The following EYS variants were observed in gnomAD, a reference collection of about 807,000 sequenced individuals.
EYS encodes the protein protein eyes shut homolog.
Under a neutral mutation model 282.1 loss-of-function variants are expected in EYS, and 250 were observed. The observed-to-expected ratio is 0.89, with a 90% CI of 0.80 to 0.98. The LOEUF is 0.98. Ranked by LOEUF, EYS falls within the 50% of genes least tolerant of loss-of-function variation. The probability of loss-of-function intolerance (pLI) is 0.00; values close to 1 mark genes in which losing one functional copy is unlikely to be tolerated. For missense variants in EYS, 4,016 were observed against 3,709.0 expected, an observed-to-expected ratio of 1.08 and a Z score of -2.15; for synonymous variants, 1,355 against 1,282.9, an observed-to-expected ratio of 1.06 and a Z score of -1.20.
chr6:65,192,960 C>T (rs1481349951), intron 12 of EYS, among the ~76,000 whole-genome samples: 1 of 151,806 alleles, frequency 6.6e-6, no homozygotes, highest in African/African-American at 2.4e-5. Flanking sequence ...ATATAAAATG[C>T]ATTGTTAACT....
chr6:63,931,900 G>T (rs1455453917), intron 35 of EYS, among the ~76,000 whole-genome samples: 1 of 151,928 alleles, frequency 6.6e-6, no homozygotes, highest in East Asian at 1.9e-4. Context: ...ATTTTGTATT[G>T]TTACCCAGTC....
chr6:63,968,424 G>A (rs1301572728), intron 35 of EYS, among the ~76,000 whole-genome samples: 2 of 152,076 alleles, frequency 1.3e-5, no homozygotes, highest in East Asian at 1.9e-4. Context: ...CTAATTGGGG[G>A]AAAATGCAGG....
intron 13 of EYS, among the ~76,000 whole-genome samples, chr6:65,039,518 A>G (rs549725431): frequency 1.3e-5 from 2 of 151,532 alleles, no homozygotes; most frequent in Non-Finnish European, 1.5e-5. Flanking sequence ...AAAAAAAACT[A>G]CTTGCATTAG....
chr6:64,085,834 A>G (rs1044677477), intron 31 of EYS, among the ~76,000 whole-genome samples: 2 of 152,162 alleles, frequency 1.3e-5, no homozygotes, highest in African/African-American at 4.8e-5. Flanking sequence ...ACTCTTAGAA[A>G]TTTACCTACC....
rs543382469 is a variant in EYS at position 65,187,798 on chromosome 6, C to T, written c.2023+108065G>A. Among the ~76,000 whole-genome samples, 8 of 151,744 alleles carry T rather than the reference C, an allele frequency of 5.3e-5. No homozygotes were observed. In the East Asian group the frequency reaches 1.4e-3, roughly 26 times the overall value. ...GTTTGGTAATTATGGCTACCATTTA[C>T]TCTGAAAACTTATTGGAATTGGTAT... On this transcript the variant is annotated intron_variant, in intron 12 of 42. Transcript: ENST00000503581.
chr6:65,443,683 C>CATACACATATATACACATATGTGCAT (rs1369717387), intron 5 of EYS, among the ~76,000 whole-genome samples: 1 of 149,824 alleles, frequency 6.7e-6, no homozygotes, highest in African/African-American at 2.4e-5. Flanking sequence ...CATATACACA[C>CATACACATATATACACATATGTGCAT]ATACACATAT....
rs147634030 is a variant in EYS, at chr6:65,395,126, C to T, written c.1184+7352G>A. On this transcript the variant is annotated intron_variant, in intron 7 of 42. Transcript: ENST00000503581. Reference sequence around the variant, plus strand: ...TGGCCCAGGCCGGAGTGCAATGGCGCGATCTTAGCTCACCGCAACCTCTGC... The same window carrying T: ...TGGCCCAGGCCGGAGTGCAATGGCGTGATCTTAGCTCACCGCAACCTCTGC... Among the ~76,000 whole-genome samples the T allele has an allele frequency of 6.4e-3, 977 of 152,308 alleles. 13 individuals are homozygous for T. The highest frequency in any genetic ancestry group is 0.022 in the African/African-American group (922 of 41,572).
intron 26 of EYS, among the ~76,000 whole-genome samples, chr6:64,474,850 T>C (rs900579248): frequency 5.3e-5 from 8 of 152,168 alleles, no homozygotes; most frequent in Non-Finnish European, 8.8e-5. Flanking sequence ...CCAAATGATA[T>C]AGCATTTGTG....
chr6:64,667,142 A>T (rs1180842792), intron 22 of EYS, among the ~76,000 whole-genome samples: 1 of 150,794 alleles, frequency 6.6e-6, no homozygotes, highest in Non-Finnish European at 1.5e-5. Context: ...GCTTAATGAA[A>T]TGTGTAAGAG....
intron 8 of EYS, 85 bp from the exon 9 acceptor site, chr6:65,353,702 T>A: frequency 1.8e-6 from 2 of 1,128,508 alleles, no homozygotes; most frequent in Non-Finnish European, 1.3e-6. Flanking sequence ...AGCTAATTTT[T>A]AAAACCACAG....
intron 22 of EYS, among the ~76,000 whole-genome samples, chr6:64,767,862 T>G (rs887225803): frequency 6.6e-6 from 1 of 152,128 alleles, no homozygotes; most frequent in Non-Finnish European, 1.5e-5. Context: ...ACCTCCATAT[T>G]TTTCTCCATA....
intron 29 of EYS, among the ~76,000 whole-genome samples, chr6:64,312,319 T>C (rs1014888986): frequency 3.3e-5 from 5 of 152,116 alleles, no homozygotes; most frequent in East Asian, 1.9e-4. Flanking sequence ...GTGGCCAGAC[T>C]GCATCTCTAG....
intron 26 of EYS, among the ~76,000 whole-genome samples, chr6:64,558,747 T>A (rs928869623): frequency 6.6e-6 from 1 of 152,178 alleles, no homozygotes; most frequent in Non-Finnish European, 1.5e-5. Flanking sequence ...TTTTAGGAAG[T>A]TCCTAAAAAT....
At chr6:65,106,231 T>C (rs558854185) in intron 12 of EYS, among the ~76,000 whole-genome samples, 2 of 152,022 alleles carry the variant, frequency 1.3e-5, no homozygotes, top group Non-Finnish European at 2.9e-5. Context: ...ACTTTTGGTT[T>C]ATTTCCTTTC....
intron 12 of EYS, among the ~76,000 whole-genome samples, chr6:65,245,195 A>C (rs1206272749): frequency 2.0e-5 from 3 of 152,192 alleles, no homozygotes; most frequent in Non-Finnish European, 4.4e-5. Flanking sequence ...AGCAGCTCAG[A>C]GCATGCTCAC....
rs115135720 is a variant in EYS at position 64,464,733 on chromosome 6, T to C, written c.5645-25381A>G. ...TGTTATAAAGAGAACAGATTATTAT[T>C]GAACTTATACAAATAACTACATTGC... is the stretch of plus-strand genomic sequence containing the variant. On this transcript the variant is annotated intron_variant, in intron 26 of 42. Transcript: ENST00000503581. 4.7e-3 allele frequency among the ~76,000 whole-genome samples: 722 copies of C among 152,186 alleles called. 3 individuals are homozygous for C. The highest frequency in any genetic ancestry group is 8.5e-3 in the Non-Finnish European group (580 of 67,906).
intron 33 of EYS, among the ~76,000 whole-genome samples, chr6:64,026,812 C>A (rs1242510609): frequency 6.6e-6 from 1 of 152,110 alleles, no homozygotes; most frequent in Non-Finnish European, 1.5e-5. Context: ...TCGGTTATGT[C>A]CCCTTCAAGC....
chr6:65,697,428 C>T (rs10484934), intron 1 of EYS, among the ~76,000 whole-genome samples: 4,122 of 152,118 alleles, frequency 0.027, 111 homozygotes, highest in African/African-American at 0.065. Flanking sequence ...ATCTTGCATT[C>T]TATTTGTGCA....
At position 65,581,162 on chromosome 6, in the gene EYS, C is replaced by T. The variant is rs1562270513; in HGVS notation, c.-333+58616G>A. Among the ~76,000 whole-genome samples, 5 of 152,148 alleles carry T rather than the reference C, an allele frequency of 3.3e-5. No homozygotes were observed. In the South Asian group the frequency reaches 8.3e-4, roughly 25 times the overall value. The stretch of plus-strand genomic sequence containing the variant: ...GATGTGGGACTTCTTTGCAACTTTG[C>T]TGTGGGTCTAATCAGTAATATTTCA... On this transcript the variant is annotated intron_variant, in intron 2 of 42. Transcript: ENST00000503581.
Sources: allele counts gnomAD v4.1 joint callset (sites outside exome capture counted in the v4.1 genomes callset), GRCh38; gene constraint gnomAD v4.1.1; transcripts MANE v1.5; gene names NCBI Gene and HGNC (gene_info 2026-07-23, HGNC 2026-07-21).